The following FSTL4 variants were observed in gnomAD, a reference collection of about 807,000 sequenced individuals.
The protein encoded by FSTL4 is follistatin like 4, also known as follistatin-related protein 4.
Under a neutral mutation model 78.2 loss-of-function variants are expected in FSTL4, and 28 were observed. The ratio of observed to expected loss-of-function variants is 0.36; its 90% CI spans 0.27 to 0.49. The LOEUF is 0.49. Among genes scored for constraint, FSTL4 ranks in the 20% least tolerant of loss-of-function variants. The pLI is 0.98. For synonymous variants in FSTL4, 422 were observed against 440.5 expected, an observed-to-expected ratio of 0.96 and a Z score of 0.53; for missense variants, 922 against 1,084.9, an observed-to-expected ratio of 0.85 and a Z score of 2.11.
rs141002081 is a variant in FSTL4 at position 133,221,215 on chromosome 5, C to T, written c.1340-349G>A. ...GCCTCCCTTGATTGTTTATAATATA[C>T]TAGTCACATCAGGATGGATCAGTGG... On this transcript the variant is annotated intron_variant, in intron 11 of 15. Coordinates refer to ENST00000265342, the MANE Select transcript of FSTL4 (RefSeq NM_015082.2). Among the ~76,000 whole-genome samples, 193 of 152,290 alleles carry T rather than the reference C, an allele frequency of 1.3e-3. 1 individual carries two copies. Among genetic ancestry groups the T allele is most frequent in the Non-Finnish European group, 2.3e-3 (159 of 68,010 alleles).
Position 133,198,822 on chromosome 5 carries a change from C to T in FSTL4, c.*273G>A, listed in dbSNP as rs769777780. On this transcript the variant is annotated 3_prime_UTR_variant, in exon 16 of 16. Coordinates refer to ENST00000265342, the MANE Select transcript of FSTL4 (RefSeq NM_015082.2). ...GGTTCCATGATGTCCCCAGGTCACT[C>T]GGTGTGCAGCTTGGCACAGAAATGA... 4.4e-5 allele frequency: 14 copies of T among 315,186 alleles called. No homozygotes were observed. The highest frequency in any genetic ancestry group is 1.3e-4 in the South Asian group (1 of 7,956). 19.5% of individuals were successfully genotyped at this position (315,186 alleles called of 1,614,324 possible).
chr5:133,336,935 T>C (rs530939221), intron 4 of FSTL4, among the ~76,000 whole-genome samples: 2 of 152,168 alleles, frequency 1.3e-5, no homozygotes, highest in Non-Finnish European at 2.9e-5. Flanking sequence ...CCTCTCCAGA[T>C]CCATGGGGAT....
the FSTL4 span, among the ~76,000 whole-genome samples, chr5:133,674,299 G>A: frequency 7.9e-5 from 12 of 152,162 alleles, no homozygotes; most frequent in African/African-American, 2.4e-4. Flanking sequence ...CCCCCTCTGC[G>A]AGATATTTGT....
chr5:133,333,033 C>G (rs1447956611), intron 4 of FSTL4, among the ~76,000 whole-genome samples: 1 of 152,178 alleles, frequency 6.6e-6, no homozygotes, highest in Non-Finnish European at 1.5e-5. Flanking sequence ...GTCTCTCTCT[C>G]ATGCACACAC....
At chr5:133,450,489 G>A (rs1413543840) in intron 3 of FSTL4, among the ~76,000 whole-genome samples, 3 of 152,240 alleles carry the variant, frequency 2.0e-5, no homozygotes, top group Non-Finnish European at 2.9e-5. Context: ...GGGGAGCTCT[G>A]AGAACCACCA....
intron 2 of FSTL4, among the ~76,000 whole-genome samples, chr5:133,600,065 G>A (rs1402542255): frequency 2.6e-5 from 4 of 152,126 alleles, no homozygotes; most frequent in African/African-American, 9.7e-5. Flanking sequence ...ACTTAGGTTT[G>A]GTTTGACTTA....
In FSTL4 at chr5:133,338,619, G is replaced by A. The variant is rs2126916158; in HGVS notation, c.410-21967C>T. Among the ~76,000 whole-genome samples, 1 of 152,126 alleles carries A rather than the reference G, an allele frequency of 6.6e-6. No individual in the cohort carries two copies. Among genetic ancestry groups the A allele is most frequent in the African/African-American group, 2.4e-5 (1 of 41,472 alleles). ...CCCAGTATCCACTATCCTCTCTTGA[G>A]CTCCTGATGTCCCACCCCACTGTTG... On this transcript the variant is annotated intron_variant, in intron 4 of 15. Coordinates refer to ENST00000265342, the MANE Select transcript of FSTL4 (RefSeq NM_015082.2). This position sits in a 1 kb window ranked among gnomAD's most constrained non-coding sequence, Gnocchi z 4.0.
chr5:133,645,402 G>A, the FSTL4 span, among the ~76,000 whole-genome samples: 4 of 152,130 alleles, frequency 2.6e-5, no homozygotes, highest in Non-Finnish European at 4.4e-5. Flanking sequence ...GCACCTCTTG[G>A]AAAGGACACC....
At chr5:133,210,099 G>T in intron 14 of FSTL4, 92 bp downstream of exon 14, 1 of 705,276 alleles carries the variant, frequency 1.4e-6, no homozygotes, top group Non-Finnish European at 2.5e-6. Flanking sequence ...AATGTAATTA[G>T]CTACCCGGGG....
At chr5:133,295,618 T>A (rs1753376353) in intron 6 of FSTL4, among the ~76,000 whole-genome samples, 1 of 152,186 alleles carries the variant, frequency 6.6e-6, no homozygotes, top group Non-Finnish European at 1.5e-5. Flanking sequence ...CCCTCTCCCA[T>A]CCCACTGCGT....
intron 4 of FSTL4, among the ~76,000 whole-genome samples, chr5:133,336,030 G>A (rs1416004361): frequency 6.6e-6 from 1 of 152,202 alleles, no homozygotes; most frequent in Non-Finnish European, 1.5e-5. Context: ...ACCCTGCTCT[G>A]TGAATTCATG....
At chr5:133,462,447 T>A (rs1441600114) in intron 3 of FSTL4, among the ~76,000 whole-genome samples, 1 of 152,206 alleles carries the variant, frequency 6.6e-6, no homozygotes, top group Middle Eastern at 3.2e-3. Flanking sequence ...CCATTAACAC[T>A]CAACTCTGTG....
chr5:133,806,189 G>A, the FSTL4 span, among the ~76,000 whole-genome samples: 222 of 152,252 alleles, frequency 1.5e-3, no homozygotes, highest in Non-Finnish European at 3.2e-4. Context: ...GGTGTCGGAC[G>A]TCTGTGAAAT....
chr5:133,839,280 C>T, the FSTL4 span, among the ~76,000 whole-genome samples: 9 of 152,184 alleles, frequency 5.9e-5, no homozygotes, highest in South Asian at 2.1e-4. Context: ...AAATCCACAC[C>T]GCTCCTCATG....
chr5:133,831,864 T>C, the FSTL4 span, among the ~76,000 whole-genome samples: 2 of 151,946 alleles, frequency 1.3e-5, no homozygotes, highest in Non-Finnish European at 2.9e-5. Context: ...CTGGATGGGA[T>C]TCGCAAGCTG....
At chr5:133,751,073 A>C in the FSTL4 span, among the ~76,000 whole-genome samples, 1 of 150,146 alleles carries the variant, frequency 6.7e-6, no homozygotes, top group Non-Finnish European at 1.5e-5. Flanking sequence ...CGTGCACCCC[A>C]CCCACCTCTG....
rs539416622 is a variant in FSTL4, at chr5:133,311,454, G to A, written c.727+1200C>T. 1.1e-4 allele frequency among the ~76,000 whole-genome samples: 16 copies of A among 152,240 alleles called. No individual in the cohort carries two copies. In the South Asian group the frequency reaches 1.5e-3, roughly 14 times the overall value. ...GAACTGGAAAGGCCCCTGCAACCACGTCAAGCTCATGGACACTGCCCATAG... is the reference window on the plus strand; with the variant it reads ...GAACTGGAAAGGCCCCTGCAACCACATCAAGCTCATGGACACTGCCCATAG... On this transcript the variant is annotated intron_variant, in intron 6 of 15. Coordinates refer to ENST00000265342, the MANE Select transcript of FSTL4 (RefSeq NM_015082.2).
chr5:133,622,690 A>C, the FSTL4 span, among the ~76,000 whole-genome samples: 7 of 152,084 alleles, frequency 4.6e-5, no homozygotes, highest in Non-Finnish European at 1.0e-4. Flanking sequence ...ACATCTTTTC[A>C]TGTGCTTATT....
chr5:133,231,307 G>A (rs187798847), intron 8 of FSTL4, among the ~76,000 whole-genome samples: 1 of 151,976 alleles, frequency 6.6e-6, no homozygotes, highest in African/African-American at 2.4e-5. Context: ...GCTCCTACCC[G>A]TGCCAGAGCT....
Sources: gnomAD v4.1 joint callset for allele counts (sites outside exome capture counted in the v4.1 genomes callset) on GRCh38, gnomAD v4.1.1 for gene constraint, Gnocchi (gnomAD v3.1) non-coding constraint, MANE v1.5 for transcripts, NCBI Gene and HGNC (gene_info 2026-07-23, HGNC 2026-07-21) for gene names.